COL4A4: variants seen among roughly 807,000 people sequenced by gnomAD.
The protein encoded by COL4A4 is collagen alpha-4(IV) chain.
In COL4A4, 105 loss-of-function variants were observed where a neutral mutation model predicts 192.9. The ratio of observed to expected loss-of-function variants is 0.54; its 90% CI spans 0.46 to 0.64. The LOEUF (loss-of-function observed/expected upper bound fraction) is 0.64, where lower values mean the gene tolerates loss of function less well. COL4A4 is among the 30% of genes least tolerant of loss of function. COL4A4 has a pLI of 0.00. For missense variants in COL4A4, 1,967 were observed against 2,169.3 expected, an observed-to-expected ratio of 0.91 and a Z score of 1.85; for synonymous variants, 762 against 769.9, an observed-to-expected ratio of 0.99 and a Z score of 0.17.
chr2:227,057,751 T>C, intron 28 of COL4A4, 151 bp from the exon 29 acceptor site: 4 of 817,754 alleles, frequency 4.9e-6, no homozygotes, highest in South Asian at 3.0e-5. Context: ...GATTTTCTTA[T>C]CATAGATGTA....
In COL4A4 at chr2:227,094,107, G is replaced by T. The variant is rs750563032; in HGVS notation, c.1369+18C>A. ...AAGCAGCATAAATGCTAATGGATATGAATAAGGAGTACTTTACCACTTGAT... is the reference window on the plus strand; with the variant it reads ...AAGCAGCATAAATGCTAATGGATATTAATAAGGAGTACTTTACCACTTGAT... On this transcript the variant is annotated intron_variant, in intron 20 of 47. Coordinates refer to ENST00000396625, the MANE Select transcript of COL4A4 (RefSeq NM_000092.5). 2.5e-6 allele frequency: 4 copies of T among 1,610,590 alleles called. No homozygotes were observed. The highest frequency in any genetic ancestry group is 3.4e-6 in the Non-Finnish European group (4 of 1,177,284).
At chr2:227,136,196 C>T (rs2062803800) in intron 4 of COL4A4, among the ~76,000 whole-genome samples, 1 of 152,144 alleles carries the variant, frequency 6.6e-6, no homozygotes, top group South Asian at 2.1e-4. Context: ...CTCTCAAATC[C>T]AGCCAGAGCT....
At chr2:227,036,707 C>T (rs1364209869) in intron 37 of COL4A4, among the ~76,000 whole-genome samples, 3 of 152,256 alleles carry the variant, frequency 2.0e-5, no homozygotes, top group Middle Eastern at 3.4e-3. Context: ...CAAGACGATG[C>T]GGGACAAGTC....
At position 227,057,750 on chromosome 2, in the gene COL4A4, A is replaced by G. The variant is rs149593066; in HGVS notation, c.2384-150T>C. 76 of 823,204 alleles carry G rather than the reference A, an allele frequency of 9.2e-5. No individual in the cohort carries two copies. The East Asian group carries it at 2.0e-3, about 22-fold the overall frequency. The allele number at this position is 823,204 out of a possible 1,614,324, so 51.0% of individuals were successfully genotyped here. ...GTTAAGTCTTTGAGTGGATTTTCTT[A>G]TCATAGATGTAATGAGTTCCTTATG... On this transcript the variant is annotated intron_variant, in intron 28 of 47. Transcript: ENST00000396625.
chr2:226,974,225 T>TTTTTATTTTATTTTATTTTATTTTA, the COL4A4 span, among the ~76,000 whole-genome samples: 14 of 148,260 alleles, frequency 9.4e-5, no homozygotes, highest in African/African-American at 3.0e-4. Context: ...TGTTGCCCTT[T>TTTTTATTTTATTTTATTTTATTTTA]TTTTATTTTA....
At position 227,016,719 on chromosome 2, in the gene COL4A4, C is replaced by A. The variant is rs185782033; in HGVS notation, c.4217-4422G>T. 9.4e-4 allele frequency among the ~76,000 whole-genome samples: 143 copies of A among 152,300 alleles called. 2 individuals are homozygous for A. Among genetic ancestry groups the A allele is most frequent in the Admixed American group, 9.0e-3 (137 of 15,300 alleles). On this transcript the variant is annotated intron_variant, in intron 44 of 47. Transcript: ENST00000396625. The stretch of plus-strand genomic sequence containing the variant: ...CATCCCTACGACCAGCCAGTCTCTC[C>A]CCTCCATGCCCTGTGCTGGTTGAGC...
the COL4A4 span, among the ~76,000 whole-genome samples, chr2:226,986,743 T>C: frequency 1.2e-4 from 18 of 152,352 alleles, no homozygotes; most frequent in South Asian, 2.9e-3. Flanking sequence ...GAGTGTAAAT[T>C]AGTTCAACCA....
At chr2:227,034,532 G>A (rs1969138855) in intron 37 of COL4A4, among the ~76,000 whole-genome samples, 1 of 150,702 alleles carries the variant, frequency 6.6e-6, no homozygotes, top group South Asian at 2.1e-4. Context: ...CTTCCACCCA[G>A]TAGCTGTTCT....
chr2:226,986,438 G>C, the COL4A4 span, among the ~76,000 whole-genome samples: 1 of 151,910 alleles, frequency 6.6e-6, no homozygotes, highest in Non-Finnish European at 1.5e-5. Flanking sequence ...CAACTTTTAC[G>C]TAAATTTAAA....
At chr2:227,107,546 T>A (rs543765624) in intron 12 of COL4A4, among the ~76,000 whole-genome samples, 58 of 152,302 alleles carry the variant, frequency 3.8e-4, no homozygotes, top group African/African-American at 1.3e-3. Flanking sequence ...TTCTGTTAAA[T>A]GACTGTACCA....
At position 227,045,911 on chromosome 2, in the gene COL4A4, GTATGTA is replaced by G. The variant is rs1235719905; in HGVS notation, c.3289+1558_3289+1563del. Among the ~76,000 whole-genome samples, 10 of 43,960 alleles carry G rather than the reference GTATGTA, an allele frequency of 2.3e-4. 3 individuals carry two copies. The highest frequency in any genetic ancestry group is 9.5e-4 in the East Asian group (2 of 2,106). The allele number at this position is 43,960 out of a possible 152,430, so 28.8% of individuals were successfully genotyped here. A position where few individuals can be genotyped will look rare whatever the true frequency, so the allele number is the denominator to read the frequency against. On this transcript the variant is annotated intron_variant, in intron 35 of 47. Coordinates refer to ENST00000396625, the MANE Select transcript of COL4A4 (RefSeq NM_000092.5). Reference sequence around the variant, plus strand: ...ATATATATTTAGATAGTATATATATGTATGTATATGTATATGTATATATGTATATAT... The same window carrying G: ...ATATATATTTAGATAGTATATATATGTATGTATATGTATATATGTATATAT...
At chr2:226,999,397 A>G (rs1960386021), downstream of COL4A4, among the ~76,000 whole-genome samples, 1 of 152,152 alleles carries the variant, frequency 6.6e-6, no homozygotes. Context: ...GTCCCACTGC[A>G]TCGAATGCTG....
At chr2:227,082,677 G>C (rs2059386589) in intron 22 of COL4A4, among the ~76,000 whole-genome samples, 1 of 152,184 alleles carries the variant, frequency 6.6e-6, no homozygotes, top group Non-Finnish European at 1.5e-5. Flanking sequence ...TGCCACCAGA[G>C]CTGAAGGTAG....
At position 227,032,240 on chromosome 2, in the gene COL4A4, A is replaced by G; in HGVS notation, c.3614T>C (p.Ile1205Thr). 1 of 1,613,958 alleles carries G rather than the reference A, an allele frequency of 6.2e-7. No homozygotes were observed. The highest frequency in any genetic ancestry group is 8.5e-7 in the Non-Finnish European group (1 of 1,179,866). Residue 1205 changes from isoleucine (I) to threonine (T), a missense_variant, in exon 39 of 48, where the codon ATA becomes ACA. Transcript: ENST00000396625. Reference sequence around the variant, plus strand: ...TCCTCTCTCCCCTTTTAGCCCAGGTATTCCCACTGGACCAGGTGGCCCCAC... The same window carrying G: ...TCCTCTCTCCCCTTTTAGCCCAGGTGTTCCCACTGGACCAGGTGGCCCCAC... ...HDVGPPGPVG[I>T]PGLKGERGDP...
At chr2:226,995,379 A>G in the COL4A4 span, 7 of 1,155,342 alleles carry the variant, frequency 6.1e-6, no homozygotes, top group East Asian at 2.4e-5. Flanking sequence ...TAGGGTACAC[A>G]TGCCTTGTCA....
At chr2:227,065,226 C>T (rs1020802790) in intron 25 of COL4A4, among the ~76,000 whole-genome samples, 5 of 152,366 alleles carry the variant, frequency 3.3e-5, no homozygotes, top group Non-Finnish European at 5.9e-5. Context: ...GCACCTGGCT[C>T]GGAGGGTCCT....
At chr2:227,020,029 T>C (rs1002537269) in intron 44 of COL4A4, among the ~76,000 whole-genome samples, 1 of 152,230 alleles carries the variant, frequency 6.6e-6, no homozygotes, top group African/African-American at 2.4e-5. Context: ...ATTTATATTC[T>C]GCTGGCTATT....
intron 34 of COL4A4, among the ~76,000 whole-genome samples, chr2:227,048,576 A>G (rs1973392000): frequency 6.6e-6 from 1 of 152,186 alleles, no homozygotes; most frequent in African/African-American, 2.4e-5. Context: ...GACCATGGGA[A>G]AAAGTGAGAA....
the COL4A4 span, among the ~76,000 whole-genome samples, chr2:226,974,429 G>C: frequency 2.6e-5 from 4 of 152,114 alleles, no homozygotes; most frequent in South Asian, 8.3e-4. Flanking sequence ...AGTAGAGACG[G>C]GGTTTCACCG....
Sources: allele counts gnomAD v4.1 joint callset (sites outside exome capture counted in the v4.1 genomes callset), GRCh38; gene constraint gnomAD v4.1.1; transcripts MANE v1.5; gene names NCBI Gene and HGNC (gene_info 2026-07-23, HGNC 2026-07-21).